RMDN2: variants seen among roughly 807,000 people sequenced by gnomAD.
RMDN2 encodes regulator of microtubule dynamics protein 2.
A neutral mutation model predicts 52.8 loss-of-function variants in RMDN2; 61 were observed. The observed-to-expected ratio is 1.16, with a 90% CI of 0.94 to 1.43. The LOEUF (loss-of-function observed/expected upper bound fraction) is 1.43. RMDN2 is among the 40% of genes most tolerant of loss of function. The pLI, the probability that RMDN2 is intolerant of heterozygous loss-of-function variation, is 0.00. For synonymous variants in RMDN2, 180 were observed against 153.1 expected (o/e 1.18, Z -1.30); for missense variants, 592 against 475.3 (o/e 1.25, Z -2.28).
chr2:38,009,260 A>G (rs1485266064), intron 10 of RMDN2, among the ~76,000 whole-genome samples: 1 of 152,168 alleles, frequency 6.6e-6, no homozygotes, highest in African/African-American at 2.4e-5. Context: ...CTGCTTTGCT[A>G]GATTGGGGAA....
At chr2:37,942,109 CT>C (rs1353185620) in intron 2 of RMDN2, among the ~76,000 whole-genome samples, 1 of 152,132 alleles carries the variant, frequency 6.6e-6, no homozygotes, top group Non-Finnish European at 1.5e-5. Flanking sequence ...CCAGATATCT[CT>C]GTCCCTCATG....
intron 10 of RMDN2, among the ~76,000 whole-genome samples, chr2:38,052,026 A>G (rs1681633581): frequency 6.6e-6 from 1 of 152,214 alleles, no homozygotes; most frequent in South Asian, 2.1e-4. Context: ...TCATTTGGAT[A>G]AATACCCAGT....
chr2:38,010,366 G>C (rs1006752428), intron 10 of RMDN2, among the ~76,000 whole-genome samples: 12 of 152,150 alleles, frequency 7.9e-5, no homozygotes, highest in African/African-American at 2.9e-4. Flanking sequence ...CACCTAATTC[G>C]AGCTTCCTGG....
intron 2 of RMDN2, among the ~76,000 whole-genome samples, chr2:37,973,813 TAAG>T (rs1294785966): frequency 6.6e-6 from 1 of 152,012 alleles, no homozygotes; most frequent in African/African-American, 2.4e-5. Context: ...TGTATTTGAA[TAAG>T]AAGAGTAGTA....
chr2:37,941,919 T>C (rs1270714140), intron 2 of RMDN2, among the ~76,000 whole-genome samples: 7 of 143,784 alleles, frequency 4.9e-5, no homozygotes, highest in Non-Finnish European at 9.0e-5. Flanking sequence ...GTCTCGCTGG[T>C]GTTCCAGGTG....
chr2:37,950,491 G>T, intron 2 of RMDN2: 1 of 1,612,332 alleles, frequency 6.2e-7, no homozygotes, highest in South Asian at 1.1e-5. Context: ...TCAGTCTTCT[G>T]ACCTGTTCCA....
At chr2:37,922,033 T>C (rs1666046407), upstream of RMDN2, among the ~76,000 whole-genome samples, 1 of 152,232 alleles carries the variant, frequency 6.6e-6, no homozygotes, top group Non-Finnish European at 1.5e-5. Context: ...CCCTGCTCTT[T>C]GCCTGTGCGC....
intron 2 of RMDN2, among the ~76,000 whole-genome samples, chr2:37,954,974 T>G (rs1669271123): frequency 6.6e-6 from 1 of 152,190 alleles, no homozygotes; most frequent in Admixed American, 6.5e-5. Flanking sequence ...TGAAATTATT[T>G]TTTTATAATT....
At chr2:38,061,570 G>A (rs572826996) in intron 10 of RMDN2, among the ~76,000 whole-genome samples, 2 of 151,572 alleles carry the variant, frequency 1.3e-5, no homozygotes, top group Admixed American at 1.3e-4. Flanking sequence ...CCACCCCTTG[G>A]TGTTGCCTCC....
chr2:37,943,352 G>A (rs1335417727), intron 2 of RMDN2, among the ~76,000 whole-genome samples: 8 of 152,158 alleles, frequency 5.3e-5, no homozygotes, highest in Non-Finnish European at 1.2e-4. Context: ...ACCAAGAGAG[G>A]ACAAGATTTC....
chr2:37,987,064 T>C lies in RMDN2; in HGVS notation c.792-2477T>C, dbSNP rs144573198. Reference sequence around the variant, plus strand: ...GTTTGCAAAGACAATGATATGATTGTCTTTGTAAAAAATCTAAAAAAAAAA... The same window carrying C: ...GTTTGCAAAGACAATGATATGATTGCCTTTGTAAAAAATCTAAAAAAAAAA... On this transcript the variant is annotated intron_variant, in intron 5 of 10. Coordinates refer to ENST00000354545, the MANE Select transcript of RMDN2 (RefSeq NM_001170791.3). Among the ~76,000 whole-genome samples, 193 of 152,162 alleles carry C rather than the reference T, an allele frequency of 1.3e-3. 1 individual carries two copies. The highest frequency in any genetic ancestry group is 4.5e-3 in the African/African-American group (186 of 41,530).
rs563968840 is a variant in RMDN2, at chr2:37,991,504, TC to T, written c.945+208del. Among the ~76,000 whole-genome samples, 1,018 of 152,084 alleles carry T rather than the reference TC, an allele frequency of 6.7e-3. 6 individuals are homozygous for T. The highest frequency in any genetic ancestry group is 0.011 in the Non-Finnish European group (744 of 67,984). ...TACATTATAATTTTAAAAGCTATAA[TC>T]TATGTATTTTATAATTTATAAACTT... On this transcript the variant is annotated intron_variant, in intron 7 of 10. Coordinates refer to ENST00000354545, the MANE Select transcript of RMDN2 (RefSeq NM_001170791.3).
chr2:38,004,285 C>A, intron 10 of RMDN2, 69 bp downstream of exon 10: 1 of 1,003,642 alleles, frequency 1.0e-6, no homozygotes, highest in Non-Finnish European at 1.6e-6. Context: ...ACAGGAATAA[C>A]TCGCTTAGAT....
At chr2:38,051,351 A>G (rs1441006975) in intron 10 of RMDN2, among the ~76,000 whole-genome samples, 1 of 152,164 alleles carries the variant, frequency 6.6e-6, no homozygotes, top group Non-Finnish European at 1.5e-5. Flanking sequence ...CCCTCTGTAC[A>G]ATGCAATCAG....
intron 10 of RMDN2, among the ~76,000 whole-genome samples, chr2:38,050,813 C>A (rs564277564): frequency 1.3e-5 from 2 of 152,180 alleles, no homozygotes; most frequent in Non-Finnish European, 1.5e-5. Context: ...GGCTGGAGTG[C>A]GGTGGCACGA....
intron 2 of RMDN2, among the ~76,000 whole-genome samples, chr2:37,937,783 T>G (rs1368824370): frequency 6.6e-6 from 1 of 152,206 alleles, no homozygotes; most frequent in East Asian, 1.9e-4. Context: ...CTTAAGGAGA[T>G]TTGGGGCTGA....
intron 2 of RMDN2, among the ~76,000 whole-genome samples, chr2:37,969,978 G>C (rs1671579124): frequency 6.6e-6 from 1 of 151,366 alleles, no homozygotes; most frequent in Non-Finnish European, 1.5e-5. Flanking sequence ...TGTCTCCCAG[G>C]CTGGAGTGCA....
chr2:37,946,284 C>G (rs1209184151), intron 2 of RMDN2, among the ~76,000 whole-genome samples: 1 of 151,928 alleles, frequency 6.6e-6, no homozygotes, highest in Non-Finnish European at 1.5e-5. Context: ...TGAAAGAGTT[C>G]CTGCCTTATA....
intron 2 of RMDN2, among the ~76,000 whole-genome samples, chr2:37,935,569 A>G (rs747889410): frequency 4.9e-4 from 75 of 152,184 alleles, no homozygotes; most frequent in Non-Finnish European, 9.6e-4. Flanking sequence ...TAATTGAAGT[A>G]CCCTCTCTAC....
Sources: gnomAD v4.1 joint callset for allele counts (sites outside exome capture counted in the v4.1 genomes callset) on GRCh38, gnomAD v4.1.1 for gene constraint, MANE v1.5 for transcripts, NCBI Gene and HGNC (gene_info 2026-07-23, HGNC 2026-07-21) for gene names.